The following NEBL variants were observed in gnomAD, a reference collection of about 807,000 sequenced individuals.
NEBL encodes the protein nebulette, also known as LIM and SH3 protein 2.
Under a neutral mutation model 140.2 loss-of-function variants are expected in NEBL, and 122 were observed. That is an observed-to-expected ratio of 0.87 (90% CI 0.75 to 1.01). NEBL has a LOEUF of 1.01. Among genes scored for constraint, NEBL ranks in the 50% least tolerant of loss-of-function variants. The pLI, the probability that NEBL is intolerant of heterozygous loss-of-function variation, is 0.00. For missense variants in NEBL, 1,365 were observed against 1,231.3 expected, an observed-to-expected ratio of 1.11 and a Z score of -1.62; for synonymous variants, 436 against 398.9, an observed-to-expected ratio of 1.09 and a Z score of -1.11.
chr10:21,023,668 C>T (rs1482577735), intron 2 of NEBL, among the ~76,000 whole-genome samples: 1 of 151,836 alleles, frequency 6.6e-6, no homozygotes, highest in Non-Finnish European at 1.5e-5. Flanking sequence ...GCACTCCAGC[C>T]TGGGAGACAG....
Position 21,091,775 on chromosome 10 carries a change from G to A in NEBL, c.165-71574C>T, listed in dbSNP as rs45470096. Among the ~76,000 whole-genome samples, 1,092 of 152,172 alleles carry A rather than the reference G, an allele frequency of 7.2e-3. 7 individuals are homozygous for A. Among genetic ancestry groups the A allele is most frequent in the Non-Finnish European group, 0.012 (818 of 68,010 alleles). On this transcript the variant is annotated intron_variant, in intron 2 of 6. Coordinates refer to the NEBL transcript ENST00000417816. ...CAAGTTGCTAATACTACAGATGCAC[G>A]CAACTACACAAGGCAAATTTTTTTA...
At chr10:21,127,954 TTAA>T (rs1345056530) in intron 2 of NEBL, among the ~76,000 whole-genome samples, 1 of 152,234 alleles carries the variant, frequency 6.6e-6, no homozygotes, top group Non-Finnish European at 1.5e-5. Context: ...GTAATTATTA[TTAA>T]TGTTTTGCAA....
intron 4 of NEBL, among the ~76,000 whole-genome samples, chr10:20,928,795 C>T (rs1834033711): frequency 6.6e-6 from 1 of 152,156 alleles, no homozygotes; most frequent in Non-Finnish European, 1.5e-5. Flanking sequence ...AGACCAATTC[C>T]ATCAACGTTA....
chr10:21,029,757 C>A, intron 2 of NEBL: 1 of 788,908 alleles, frequency 1.3e-6, no homozygotes, highest in Non-Finnish European at 2.3e-6. Flanking sequence ...ATCGATATGG[C>A]TGGCGGTAGG....
chr10:21,136,175 T>A (rs573774123), intron 2 of NEBL, among the ~76,000 whole-genome samples: 2 of 152,262 alleles, frequency 1.3e-5, no homozygotes, highest in South Asian at 4.1e-4. Flanking sequence ...TGCATTAAGA[T>A]CACCTAGTGA....
At chr10:21,103,394 T>G (rs926490491) in intron 2 of NEBL, among the ~76,000 whole-genome samples, 1 of 152,046 alleles carries the variant, frequency 6.6e-6, no homozygotes, top group South Asian at 2.1e-4. Context: ...TTTGTATTTC[T>G]CGTAGAGATG....
chr10:21,065,949 C>A (rs1397240021), intron 2 of NEBL, among the ~76,000 whole-genome samples: 1 of 152,220 alleles, frequency 6.6e-6, no homozygotes, highest in African/African-American at 2.4e-5. Flanking sequence ...AGCAGCTGCA[C>A]ACCTCTCTTC....
At chr10:20,963,255 C>T (rs1216922709) in intron 3 of NEBL, among the ~76,000 whole-genome samples, 1 of 152,172 alleles carries the variant, frequency 6.6e-6, no homozygotes, top group African/African-American at 2.4e-5. Flanking sequence ...CACATGCTGG[C>T]ACATTCTCAG....
intron 4 of NEBL, among the ~76,000 whole-genome samples, chr10:20,904,797 G>A (rs571071780): frequency 1.3e-5 from 2 of 152,344 alleles, no homozygotes; most frequent in Admixed American, 6.5e-5. Context: ...ACTTGAATAT[G>A]AGAGTGGATT....
chr10:21,024,647 A>G (rs1455266313), intron 2 of NEBL, among the ~76,000 whole-genome samples: 1 of 152,114 alleles, frequency 6.6e-6, no homozygotes, highest in Non-Finnish European at 1.5e-5. Flanking sequence ...GAAAATTACA[A>G]TATCTGTAGG....
intron 10 of NEBL, among the ~76,000 whole-genome samples, chr10:20,851,251 T>A (rs1349326838): frequency 6.6e-6 from 1 of 152,172 alleles, no homozygotes; most frequent in Non-Finnish European, 1.5e-5. Flanking sequence ...AATGTGCTCT[T>A]GATAAAATTT....
At chr10:21,038,184 C>A (rs1461209454) in intron 2 of NEBL, among the ~76,000 whole-genome samples, 1 of 152,074 alleles carries the variant, frequency 6.6e-6, no homozygotes, top group Non-Finnish European at 1.5e-5. Context: ...AGGTTATAAC[C>A]CATGCACTCC....
In NEBL at chr10:21,173,297, A is replaced by C. The variant is rs2132190536; in HGVS notation, c.69+468T>G. The stretch of plus-strand genomic sequence containing the variant: ...AATGCGGCAGCGGCCGCCCCATGAC[A>C]TATTAATTACTATTTGCCTCTCCCC... On this transcript the variant is annotated intron_variant, in intron 1 of 6. Transcript: ENST00000417816. The surrounding 1 kb of genome is among the most constrained non-coding windows in gnomAD (Gnocchi z 5.7). Among the ~76,000 whole-genome samples, 1 of 150,896 alleles carries C rather than the reference A, an allele frequency of 6.6e-6. No homozygotes were observed. Among genetic ancestry groups the C allele is most frequent in the East Asian group, 2.0e-4 (1 of 5,052 alleles).
intron 4 of NEBL, among the ~76,000 whole-genome samples, chr10:20,906,380 T>C (rs1848094539): frequency 2.0e-5 from 3 of 152,206 alleles, no homozygotes; most frequent in Admixed American, 2.0e-4. Context: ...ATACTACTGA[T>C]GCTCAGAAGT....
At chr10:21,161,617 A>AC (rs1439302038) in intron 2 of NEBL, among the ~76,000 whole-genome samples, 3 of 151,422 alleles carry the variant, frequency 2.0e-5, no homozygotes, top group Non-Finnish European at 2.9e-5. Context: ...ATAATTAGTG[A>AC]CCCCCCACCC....
At chr10:21,029,316 T>G (rs999184411) in intron 2 of NEBL, 23 of 1,610,424 alleles carry the variant, frequency 1.4e-5, no homozygotes, top group Non-Finnish European at 1.9e-5. Flanking sequence ...TATCCTATGA[T>G]GTGACAGAAG....
intron 3 of NEBL, among the ~76,000 whole-genome samples, chr10:21,237,063 C>A (rs903010225): frequency 3.9e-5 from 6 of 152,218 alleles, no homozygotes; most frequent in African/African-American, 1.4e-4. Context: ...CACTTACACT[C>A]CTTGAACTTT....
intron 4 of NEBL, among the ~76,000 whole-genome samples, chr10:20,909,237 G>A (rs1221893378): frequency 6.0e-5 from 9 of 149,856 alleles, no homozygotes; most frequent in African/African-American, 1.5e-4. Context: ...AGTAGGTTTC[G>A]TTCATTCTAT....
chr10:20,812,634 TG>T, intron 24 of NEBL, 134 bp downstream of exon 24: 1 of 1,039,940 alleles, frequency 9.6e-7, no homozygotes, highest in Non-Finnish European at 1.5e-6. Context: ...ATACTTTACC[TG>T]CGGTCCATTT....
Sources: allele counts gnomAD v4.1 joint callset (sites outside exome capture counted in the v4.1 genomes callset), GRCh38; gene constraint gnomAD v4.1.1; non-coding constraint Gnocchi (gnomAD v3.1); transcripts MANE v1.5; gene names NCBI Gene and HGNC (gene_info 2026-07-23, HGNC 2026-07-21).